INSR: variants seen among roughly 807,000 people sequenced by gnomAD.
The protein encoded by INSR is IR.
Under a neutral mutation model 142.6 loss-of-function variants are expected in INSR, and 67 were observed. That is an observed-to-expected ratio of 0.47 (90% confidence interval 0.39 to 0.58). INSR has a LOEUF of 0.58. INSR is among the 20% of genes least tolerant of loss of function. INSR has a pLI of 0.00. For missense variants in INSR, 1,248 were observed against 1,833.2 expected, an observed-to-expected ratio of 0.68 and a Z score of 5.83; for synonymous variants, 756 against 743.1, an observed-to-expected ratio of 1.02 and a Z score of -0.28.
At chr19:7,191,592 G>T (rs567085684) in intron 2 of INSR, among the ~76,000 whole-genome samples, 11 of 152,244 alleles carry the variant, frequency 7.2e-5, no homozygotes, top group African/African-American at 2.6e-4. Context: ...AGGCTAACAC[G>T]GGAGGATCTC....
chr19:7,113,907 C>G lies in INSR; in HGVS notation c.*3149G>C, dbSNP rs1325154641. 1 of 151,972 alleles carries G rather than the reference C, an allele frequency of 6.6e-6. No homozygotes were observed. The highest frequency in any genetic ancestry group is 2.4e-5 in the African/African-American group (1 of 41,340). The allele number at this position is 151,972 out of a possible 1,614,324, so 9.4% of individuals were successfully genotyped here. ...GAAAGGTGAGTCTGCAAGGGCAGTG[C>G]CTAAAAGTACAAGAGCAGCAAGATT... On this transcript the variant is annotated 3_prime_UTR_variant, in exon 22 of 22. Coordinates refer to ENST00000302850, the MANE Select transcript of INSR (RefSeq NM_000208.4).
intron 2 of INSR, among the ~76,000 whole-genome samples, chr19:7,233,668 CTTTTTTTT>C (rs35763064): frequency 2.8e-5 from 2 of 72,408 alleles, no homozygotes; most frequent in African/African-American, 1.1e-4. Flanking sequence ...CTTTTTCTGT[CTTTTTTTT>C]TTTTTTTTTT....
intron 11 of INSR, among the ~76,000 whole-genome samples, chr19:7,147,075 T>G (rs1973202587): frequency 6.6e-6 from 1 of 152,192 alleles, no homozygotes; most frequent in African/African-American, 2.4e-5. Flanking sequence ...ATTCTACAAG[T>G]TAAGGTATGT....
chr19:7,122,465 C>T (rs1972515991), intron 19 of INSR, 149 bp downstream of exon 19: 1 of 880,036 alleles, frequency 1.1e-6, no homozygotes, highest in South Asian at 1.5e-5. Flanking sequence ...AAAGACAAAA[C>T]AAAACAAAAA....
At chr19:7,224,255 T>TTTA (rs1465108686) in intron 2 of INSR, among the ~76,000 whole-genome samples, 1 of 150,870 alleles carries the variant, frequency 6.6e-6, no homozygotes, top group African/African-American at 2.4e-5. Flanking sequence ...TTTTTTTTTT[T>TTTA]TTTTTTTAAA....
Position 7,263,532 on chromosome 19 carries a change from T to C in INSR, c.652+3813A>G, listed in dbSNP as rs140038152. On this transcript the variant is annotated intron_variant, in intron 2 of 21. Coordinates refer to ENST00000302850, the MANE Select transcript of INSR (RefSeq NM_000208.4). ...CTCCGGGTAACAAAACCCCCAGTAC[T>C]GGAAAAACAAGCCCGGTTCTTTTTA... Among the ~76,000 whole-genome samples the C allele has an allele frequency of 2.1e-3, 313 of 152,298 alleles. 1 individual carries two copies. Among genetic ancestry groups the C allele is most frequent in the African/African-American group, 7.0e-3 (290 of 41,564 alleles).
chr19:7,264,634 A>G (rs937983935), intron 2 of INSR, among the ~76,000 whole-genome samples: 7 of 152,156 alleles, frequency 4.6e-5, no homozygotes, highest in African/African-American at 1.4e-4. Context: ...CTCCTCCAAA[A>G]AATCATAGCT....
intron 8 of INSR, among the ~76,000 whole-genome samples, chr19:7,165,127 AAAAAC>A (rs76880492): frequency 2.0e-5 from 3 of 150,550 alleles, no homozygotes; most frequent in Non-Finnish European, 3.0e-5. Flanking sequence ...CTCTGTCTCA[AAAAAC>A]AAAACAAAAC....
At chr19:7,208,887 CAGCTACTCGAGAGGCAGA>C (rs1321648019) in intron 2 of INSR, among the ~76,000 whole-genome samples, 1 of 152,146 alleles carries the variant, frequency 6.6e-6, no homozygotes, top group Non-Finnish European at 1.5e-5. Context: ...CCTGTAATCC[CAGCTACTCGAGAGGCAGA>C]AGCAGGAGAA....
chr19:7,208,279 G>A (rs990533098), intron 2 of INSR, among the ~76,000 whole-genome samples: 3 of 152,044 alleles, frequency 2.0e-5, no homozygotes, highest in African/African-American at 7.2e-5. Context: ...GATCAAAGGT[G>A]TTTCTTGGTT....
In INSR at chr19:7,126,636, C is replaced by T. The variant is rs572017485; in HGVS notation, c.2961G>A (p.Pro987=). 48 of 1,565,170 alleles carry T rather than the reference C, an allele frequency of 3.1e-5. No homozygotes were observed. The highest frequency in any genetic ancestry group is 8.2e-5 in the South Asian group (7 of 85,202). The part of the protein sequence containing the change: ...LFLRKRQPDG[P]LGPLYASSNP... Reference sequence around the variant, plus strand: ...TTGAAGAAGCGTAAAGCGGTCCCAGCGGCCCATCTGGCTGCCTGGAGGAGG... The same window carrying T: ...TTGAAGAAGCGTAAAGCGGTCCCAGTGGCCCATCTGGCTGCCTGGAGGAGG... The change falls in exon 16 of 22, where the codon CCG becomes CCA. Residue 987 remains proline (P), a synonymous_variant. Transcript: ENST00000302850.
At chr19:7,171,953 C>G (rs925152910) in intron 5 of INSR, among the ~76,000 whole-genome samples, 3 of 147,868 alleles carry the variant, frequency 2.0e-5, no homozygotes, top group African/African-American at 7.7e-5. Context: ...ACTCTGTCAC[C>G]CAGGCTGGAG....
intron 2 of INSR, among the ~76,000 whole-genome samples, chr19:7,229,189 G>A (rs201254205): frequency 1.7e-5 from 1 of 60,334 alleles, no homozygotes; most frequent in South Asian, 7.7e-4. Flanking sequence ...GAATGGGTGA[G>A]TGGATGAATG....
chr19:7,271,686 G>A (rs541332123), intron 1 of INSR, among the ~76,000 whole-genome samples: 6 of 152,244 alleles, frequency 3.9e-5, no homozygotes, highest in African/African-American at 1.4e-4. Context: ...ACACAAAGAC[G>A]TGTACACAAA....
intron 2 of INSR, among the ~76,000 whole-genome samples, chr19:7,242,509 GGGCA>G (rs2145152992): frequency 6.6e-6 from 1 of 150,412 alleles, no homozygotes; most frequent in African/African-American, 2.5e-5. Flanking sequence ...CTGAGGAGGA[GGGCA>G]GATCACTTGA....
At chr19:7,278,128 T>C (rs1321941197) in intron 1 of INSR, among the ~76,000 whole-genome samples, 3 of 151,234 alleles carry the variant, frequency 2.0e-5, no homozygotes, top group African/African-American at 4.9e-5. Flanking sequence ...AAATAAAAAA[T>C]AAAACAACAA....
intron 9 of INSR, among the ~76,000 whole-genome samples, chr19:7,155,442 G>T (rs2144906490): frequency 6.6e-6 from 1 of 151,752 alleles, no homozygotes; most frequent in South Asian, 2.1e-4. Flanking sequence ...GGAGGCTGAG[G>T]CAGGAGAATC....
chr19:7,213,274 G>A (rs1456038139), intron 2 of INSR, among the ~76,000 whole-genome samples: 6 of 150,480 alleles, frequency 4.0e-5, no homozygotes, highest in Non-Finnish European at 7.4e-5. Flanking sequence ...AACCCGGGAG[G>A]CGGAGGTTGC....
chr19:7,202,880 C>T (rs1975002482), intron 2 of INSR, among the ~76,000 whole-genome samples: 2 of 151,950 alleles, frequency 1.3e-5, no homozygotes, highest in Non-Finnish European at 2.9e-5. Context: ...CTCTTACATG[C>T]TTGTTCAGTT....
Sources: gnomAD v4.1 joint callset for allele counts (sites outside exome capture counted in the v4.1 genomes callset) on GRCh38, gnomAD v4.1.1 for gene constraint, MANE v1.5 for transcripts, NCBI Gene and HGNC (gene_info 2026-07-23, HGNC 2026-07-21) for gene names.